Variants in NAV1 observed in about 807,000 individuals in gnomAD.
NAV1 encodes the protein neuron navigator 1.
NAV1 carries 18 observed loss-of-function variants against 175.2 expected under a neutral mutation model. The observed-to-expected ratio is 0.10, with a 90% CI of 0.07 to 0.15. The LOEUF is 0.15. Among genes scored for constraint, NAV1 ranks in the 10% least tolerant of loss-of-function variants. The pLI, the probability that NAV1 is intolerant of heterozygous loss-of-function variation, is 1.00. For synonymous variants in NAV1, 897 were observed against 978.7 expected, an observed-to-expected ratio of 0.92 and a Z score of 1.56; for missense variants, 1,731 against 2,436.6, an observed-to-expected ratio of 0.71 and a Z score of 6.10.
chr1:201,549,132 TTTC>T (rs1408312139), intron 1 of NAV1, among the ~76,000 whole-genome samples: 3 of 144,842 alleles, frequency 2.1e-5, no homozygotes, highest in Admixed American at 7.1e-5. Context: ...TCTTTCTTTC[TTTC>T]TTTCTTTCTT....
At chr1:201,778,881 A>T (rs1412640230) in intron 3 of NAV1, among the ~76,000 whole-genome samples, 1 of 152,246 alleles carries the variant, frequency 6.6e-6, no homozygotes, top group African/African-American at 2.4e-5. Flanking sequence ...TTTTTCAGAT[A>T]GCAGCTAATT....
At chr1:201,768,017 G>T (rs902403984) in intron 3 of NAV1, among the ~76,000 whole-genome samples, 1 of 152,074 alleles carries the variant, frequency 6.6e-6, no homozygotes, top group African/African-American at 2.4e-5. Context: ...TTGTAACTTG[G>T]TCTCTCCCTA....
intron 1 of NAV1, among the ~76,000 whole-genome samples, chr1:201,684,855 C>T (rs578209903): frequency 2.7e-5 from 4 of 150,580 alleles, no homozygotes; most frequent in Non-Finnish European, 3.0e-5. Flanking sequence ...CCCAGCTACT[C>T]GAGAGGCTGA....
Position 201,547,089 on chromosome 1 carries a change from C to T in NAV1, c.-144+7747C>T, listed in dbSNP as rs576084848. On this transcript the variant is annotated intron_variant, in intron 1 of 33. Coordinates refer to the NAV1 transcript ENST00000685211. ...GTAACCTCCGTCTCCCGGGTTCAAG[C>T]GATTCTCCAGCCTCAGCCTCCCGAG... is the stretch of plus-strand genomic sequence containing the variant. 7.3e-5 allele frequency among the ~76,000 whole-genome samples: 11 copies of T among 151,288 alleles called. No homozygotes were observed. In the South Asian group the frequency reaches 8.4e-4, roughly 11 times the overall value.
At chr1:201,797,590 T>A (rs1677538541) in intron 15 of NAV1, 17 of 152,212 alleles carry the variant, frequency 1.1e-4, no homozygotes, top group Admixed American at 6.5e-5. Flanking sequence ...GTATATCAAT[T>A]TAGAGAGTAT....
intron 2 of NAV1, among the ~76,000 whole-genome samples, chr1:201,589,883 A>ATTTTTCT (rs1667137800): frequency 1.3e-5 from 2 of 151,938 alleles, no homozygotes; most frequent in African/African-American, 2.4e-5. Context: ...TGGGGAAGAC[A>ATTTTTCT]TTTTTCTTTT....
chr1:201,720,540 A>G (rs1672338490), intron 3 of NAV1, among the ~76,000 whole-genome samples: 2 of 152,340 alleles, frequency 1.3e-5, no homozygotes, highest in Middle Eastern at 3.4e-3. Context: ...GTTGCAAGGT[A>G]CAGGAGCCCT....
chr1:201,701,998 A>C (rs1247255990), intron 1 of NAV1, among the ~76,000 whole-genome samples: 1 of 152,244 alleles, frequency 6.6e-6, no homozygotes, highest in Admixed American at 6.5e-5. Context: ...TGAAATGAAT[A>C]GATAAACTAA....
At chr1:201,559,558 G>T (rs1469849076) in intron 1 of NAV1, among the ~76,000 whole-genome samples, 1 of 152,134 alleles carries the variant, frequency 6.6e-6, no homozygotes, top group East Asian at 1.9e-4. Flanking sequence ...CAGCAAAATT[G>T]TCCATTGAAG....
chr1:201,732,122 T>G (rs1198542626), intron 3 of NAV1, among the ~76,000 whole-genome samples: 4 of 151,966 alleles, frequency 2.6e-5, no homozygotes, highest in East Asian at 3.9e-4. Flanking sequence ...TTTTTTTTTC[T>G]TCCCCTGAGA....
intron 2 of NAV1, among the ~76,000 whole-genome samples, chr1:201,631,931 G>A (rs1668489209): frequency 6.6e-6 from 1 of 152,138 alleles, no homozygotes; most frequent in Non-Finnish European, 1.5e-5. Context: ...GTCAGGGTTT[G>A]GTGAAGGTAT....
chr1:201,627,279 C>CT (rs1460334759), intron 1 of NAV1, among the ~76,000 whole-genome samples: 2,299 of 146,318 alleles, frequency 0.016, 29 homozygotes, highest in Non-Finnish European at 0.025. Flanking sequence ...TTTTCTTTTT[C>CT]TTTTTTTTTT....
chr1:201,791,063 G>A (rs887753990), intron 13 of NAV1: 1 of 346,994 alleles, frequency 2.9e-6, no homozygotes, highest in African/African-American at 2.0e-5. Context: ...CAGTGGTTCT[G>A]CATGGAGGCA....
intron 16 of NAV1, chr1:201,804,056 C>T (rs1678119809): frequency 2.0e-6 from 1 of 500,878 alleles, no homozygotes; most frequent in Admixed American, 2.4e-5. Flanking sequence ...CCATTCCCTT[C>T]TATACTATGG....
intron 1 of NAV1, among the ~76,000 whole-genome samples, chr1:201,677,393 G>C (rs1670293521): frequency 6.6e-6 from 1 of 152,200 alleles, no homozygotes; most frequent in Non-Finnish European, 1.5e-5. Context: ...TTTCCTCAGT[G>C]CCTCTCCAGT....
chr1:201,779,598 C>CAAAAAAAAAAAAAAAAAGAAAAAA (rs1676179438), intron 3 of NAV1, among the ~76,000 whole-genome samples: 1 of 69,076 alleles, frequency 1.4e-5, no homozygotes, highest in Non-Finnish European at 2.4e-5. Flanking sequence ...GACTCCGTCT[C>CAAAAAAAAAAAAAAAAAGAAAAAA]AAAAAAAAAA....
chr1:201,699,072 G>A lies in NAV1; in HGVS notation c.758-13745G>A, dbSNP rs555599713. On this transcript the variant is annotated intron_variant, in intron 1 of 29. Transcript: ENST00000367296. ...TCTCACCGCTCCTATTCAACATAGT[G>A]TTGGAAGTTCTGGCCAGGGCAATCA... is the stretch of plus-strand genomic sequence containing the variant. Among the ~76,000 whole-genome samples, 8 of 152,358 alleles carry A rather than the reference G, an allele frequency of 5.3e-5. No individual in the cohort carries two copies. The East Asian group carries it at 1.3e-3, about 26-fold the overall frequency.
intron 3 of NAV1, among the ~76,000 whole-genome samples, chr1:201,758,672 T>C (rs773413855): frequency 6.6e-6 from 1 of 152,216 alleles, no homozygotes; most frequent in Non-Finnish European, 1.5e-5. Context: ...ATAAGTGATC[T>C]TCACCCTCCA....
intron 1 of NAV1, among the ~76,000 whole-genome samples, chr1:201,581,102 T>C (rs554735987): frequency 1.3e-5 from 2 of 152,102 alleles, no homozygotes; most frequent in East Asian, 3.9e-4. Context: ...GGGTAGAGAC[T>C]GGATCATAGA....
Sources: gnomAD v4.1 joint callset for allele counts (sites outside exome capture counted in the v4.1 genomes callset) on GRCh38, gnomAD v4.1.1 for gene constraint, MANE v1.5 for transcripts, NCBI Gene and HGNC (gene_info 2026-07-23, HGNC 2026-07-21) for gene names.